The following FANCD2 variants were observed in gnomAD, a reference collection of about 807,000 sequenced individuals.
FANCD2 encodes the protein FA complementation group D2.
In FANCD2, 131 loss-of-function variants were observed where a neutral mutation model predicts 192.3. That is an observed-to-expected ratio of 0.68 (90% CI 0.59 to 0.79). The LOEUF is 0.79. Among genes scored for constraint, FANCD2 ranks in the 30% least tolerant of loss-of-function variants. The probability of loss-of-function intolerance (pLI) is 0.00; values close to 1 mark genes in which losing one functional copy is unlikely to be tolerated. For synonymous variants in FANCD2, 524 were observed against 612.5 expected, an observed-to-expected ratio of 0.86 and a Z score of 2.13; for missense variants, 1,508 against 1,701.6, an observed-to-expected ratio of 0.89 and a Z score of 2.00.
At chr3:10,074,886 CATGCCAATG>C in intron 29 of FANCD2, among the ~76,000 whole-genome samples, 1 of 152,202 alleles carries the variant, frequency 6.6e-6, no homozygotes, top group South Asian at 2.1e-4. Context: ...TATAAAATAT[CATGCCAATG>C]ATGTAATCCT....
intron 18 of FANCD2, among the ~76,000 whole-genome samples, chr3:10,058,819 TG>T (rs2125024597): frequency 6.6e-6 from 1 of 152,288 alleles, no homozygotes; most frequent in South Asian, 2.1e-4. Context: ...TTTGGCAGTT[TG>T]GGGTCCCTTG....
At chr3:10,059,853 C>T (rs2087514120) in intron 18 of FANCD2, among the ~76,000 whole-genome samples, 1 of 151,156 alleles carries the variant, frequency 6.6e-6, no homozygotes, top group African/African-American at 2.4e-5. Context: ...AAAATTAAAA[C>T]TTGGAGAGAT....
At chr3:10,037,012 T>G (rs1434949063) in intron 7 of FANCD2, among the ~76,000 whole-genome samples, 3 of 142,578 alleles carry the variant, frequency 2.1e-5, no homozygotes, top group South Asian at 4.5e-4. Flanking sequence ...ATTTTCGTGG[T>G]TTTTTTTTTT....
At chr3:10,094,470 T>C in intron 40 of FANCD2, 107 bp downstream of exon 40, 1 of 921,500 alleles carries the variant, frequency 1.1e-6, no homozygotes, top group East Asian at 2.4e-5. Context: ...TGGGCTCCTC[T>C]GGTCCACTTC....
At chr3:10,043,343 A>C (rs1218089113) in intron 12 of FANCD2, 141 bp from the exon 13 acceptor site, 1 of 825,588 alleles carries the variant, frequency 1.2e-6, no homozygotes, top group Non-Finnish European at 2.0e-6. Flanking sequence ...GATCAATCCC[A>C]GACAGACGAC....
intron 29 of FANCD2, 31 bp downstream of exon 29, chr3:10,074,704 A>G (rs1575812189): frequency 1.2e-6 from 2 of 1,609,538 alleles, no homozygotes; most frequent in Non-Finnish European, 1.7e-6. Flanking sequence ...TCAGAATTTA[A>G]TCTTCTTTCA....
intron 30 of FANCD2, among the ~76,000 whole-genome samples, chr3:10,080,192 C>T (rs1693756458): frequency 6.6e-6 from 1 of 152,086 alleles, no homozygotes; most frequent in Admixed American, 6.6e-5. Flanking sequence ...GGATTACAGG[C>T]AAGAGCTACA....
chr3:10,034,873 C>A, intron 5 of FANCD2, 75 bp downstream of exon 5: 2 of 1,072,332 alleles, frequency 1.9e-6, no homozygotes, highest in Non-Finnish European at 2.8e-6. Flanking sequence ...GGAGGGAGAG[C>A]ACAGTTGTTT....
At chr3:10,030,392 T>A (rs1434988847) in intron 2 of FANCD2, among the ~76,000 whole-genome samples, 1 of 152,012 alleles carries the variant, frequency 6.6e-6, no homozygotes, top group African/African-American at 2.4e-5. Flanking sequence ...CCACCATGCC[T>A]GGCCTCATTA....
chr3:10,078,215 C>T lies in FANCD2; in HGVS notation c.2976+18C>T. Reference sequence around the variant, plus strand: ...TTCTCAAGGTTAGTGTAGGCAGAAGCATAGGACTTGGGCATAGTGGATTTG... The same window carrying T: ...TTCTCAAGGTTAGTGTAGGCAGAAGTATAGGACTTGGGCATAGTGGATTTG... On this transcript the variant is annotated intron_variant, in intron 30 of 43. Transcript: ENST00000675286. 6.7e-7 allele frequency: 1 copy of T among 1,492,078 alleles called. No homozygotes were observed. Among genetic ancestry groups the T allele is most frequent in the Non-Finnish European group, 9.4e-7 (1 of 1,068,838 alleles). The allele number at this position is 1,492,078 out of a possible 1,614,324, so 92.4% of individuals were successfully genotyped here.
intron 37 of FANCD2, 93 bp downstream of exon 37, chr3:10,090,478 CAG>C (rs1694530443): frequency 8.6e-6 from 6 of 696,514 alleles, no homozygotes; most frequent in Admixed American, 5.8e-5. Context: ...TTTTCTGAGA[CAG>C]AGTCTTGCTT....
intron 42 of FANCD2, among the ~76,000 whole-genome samples, chr3:10,096,681 C>T (rs1036926818): frequency 6.6e-6 from 1 of 152,120 alleles, no homozygotes; most frequent in South Asian, 2.1e-4. Context: ...AGCAAGGCAC[C>T]AAAACATGCC....
chr3:10,063,435 T>C (rs913516324), intron 20 of FANCD2, among the ~76,000 whole-genome samples: 2 of 151,912 alleles, frequency 1.3e-5, no homozygotes, highest in African/African-American at 4.8e-5. Context: ...AGGCTCCATC[T>C]CAAAAGAAAA....
chr3:10,052,162 A>C (rs1292501037), intron 17 of FANCD2, among the ~76,000 whole-genome samples: 1 of 152,180 alleles, frequency 6.6e-6, no homozygotes, highest in Non-Finnish European at 1.5e-5. Flanking sequence ...TGATAATAAG[A>C]GATTTAGAAA....
At chr3:10,074,967 G>A (rs934078397) in intron 29 of FANCD2, among the ~76,000 whole-genome samples, 2 of 152,128 alleles carry the variant, frequency 1.3e-5, no homozygotes, top group Non-Finnish European at 1.5e-5. Context: ...TTGTAGAGGA[G>A]CACTCTTCTG....
intron 42 of FANCD2, 114 bp from the exon 43 acceptor site, chr3:10,098,606 G>T: frequency 7.5e-7 from 1 of 1,340,164 alleles, no homozygotes; most frequent in South Asian, 1.3e-5. Flanking sequence ...TGTTTGCTGT[G>T]TTTTGAATGG....
intron 15 of FANCD2, among the ~76,000 whole-genome samples, chr3:10,047,197 G>A (rs982209848): frequency 2.6e-5 from 4 of 152,284 alleles, no homozygotes; most frequent in Admixed American, 2.0e-4. Flanking sequence ...TACCTCGCTG[G>A]GTCTTAAATT....
intron 41 of FANCD2, 118 bp from the exon 42 acceptor site, chr3:10,096,208 A>AC: frequency 1.0e-6 from 1 of 987,238 alleles, no homozygotes; most frequent in Non-Finnish European, 1.6e-6. Flanking sequence ...GATGGAACAT[A>AC]CCGTTGGCCC....
At chr3:10,029,040 T>C (rs2086526565) in intron 2 of FANCD2, among the ~76,000 whole-genome samples, 1 of 152,230 alleles carries the variant, frequency 6.6e-6, no homozygotes, top group Non-Finnish European at 1.5e-5. Context: ...AAAAACTTTA[T>C]GGTCTTTCTT....
Sources: allele counts gnomAD v4.1 joint callset (sites outside exome capture counted in the v4.1 genomes callset), GRCh38; gene constraint gnomAD v4.1.1; transcripts MANE v1.5; gene names NCBI Gene and HGNC (gene_info 2026-07-23, HGNC 2026-07-21).